The following LARGE1 variants were observed in gnomAD, a reference collection of about 807,000 sequenced individuals.
The protein encoded by LARGE1 is LARGE xylosyl- and glucuronyltransferase 1, also known as xylosyl- and glucuronyltransferase LARGE1.
Under a neutral mutation model 87.6 loss-of-function variants are expected in LARGE1, and 43 were observed. The observed-to-expected ratio is 0.49, with a 90% CI of 0.38 to 0.63. The LOEUF is 0.63. Ranked by LOEUF, LARGE1 falls within the 30% of genes least tolerant of loss-of-function variation. The probability of loss-of-function intolerance (pLI) is 0.00; values close to 1 mark genes in which losing one functional copy is unlikely to be tolerated. For missense variants in LARGE1, 802 were observed against 1,000.2 expected, an observed-to-expected ratio of 0.80 and a Z score of 2.67; for synonymous variants, 434 against 394.6, an observed-to-expected ratio of 1.10 and a Z score of -1.18.
At chr22:33,645,816 T>C (rs983420341) in intron 3 of LARGE1, among the ~76,000 whole-genome samples, 2 of 152,218 alleles carry the variant, frequency 1.3e-5, no homozygotes, top group African/African-American at 4.8e-5. Context: ...AAGACACTTA[T>C]ACGGCCAACA....
intron 6 of LARGE1, among the ~76,000 whole-genome samples, chr22:33,485,202 C>T (rs1481795459): frequency 6.8e-6 from 1 of 146,076 alleles, no homozygotes; most frequent in African/African-American, 2.6e-5. Flanking sequence ...CATGAGCCAC[C>T]GCGTCCGGTC....
chr22:33,797,155 G>A (rs2086012854), intron 1 of LARGE1, among the ~76,000 whole-genome samples: 1 of 152,104 alleles, frequency 6.6e-6, no homozygotes, highest in African/African-American at 2.4e-5. Flanking sequence ...GAGGGTGATG[G>A]ACCCGTGAAT....
the LARGE1 span, among the ~76,000 whole-genome samples, chr22:33,120,457 T>A: frequency 6.6e-6 from 1 of 150,700 alleles, no homozygotes; most frequent in African/African-American, 2.4e-5. Context: ...TCTCTCTCTC[T>A]CTCTTTCTTT....
At chr22:33,493,639 G>A (rs1411443384) in intron 6 of LARGE1, among the ~76,000 whole-genome samples, 1 of 152,144 alleles carries the variant, frequency 6.6e-6, no homozygotes, top group Non-Finnish European at 1.5e-5. Flanking sequence ...ACCCTATGAA[G>A]TAGGCAGTAT....
At chr22:33,632,162 G>A (rs984265150) in intron 3 of LARGE1, among the ~76,000 whole-genome samples, 15 of 152,082 alleles carry the variant, frequency 9.9e-5, no homozygotes, top group East Asian at 1.9e-4. Flanking sequence ...TCGATCTATC[G>A]CCCAGGCTGG....
At chr22:33,683,990 C>T (rs964801660) in intron 2 of LARGE1, among the ~76,000 whole-genome samples, 2 of 152,124 alleles carry the variant, frequency 1.3e-5, no homozygotes, top group South Asian at 2.1e-4. Context: ...AGACAGCCCT[C>T]GCTGGAAGAC....
intron 12 of LARGE1, among the ~76,000 whole-genome samples, chr22:33,293,881 T>A (rs756351069): frequency 3.9e-5 from 6 of 152,248 alleles, no homozygotes; most frequent in Non-Finnish European, 8.8e-5. Context: ...TCTGTGGATC[T>A]GGCCAAAGTC....
Position 33,382,152 on chromosome 22 carries a change from C to A in LARGE1, c.1006-108G>T. ...TGTGATAGGGCTTCTCTTGAACCTC[C>A]TGCTCTGAACACAGGCTGGCTCGCA... On this transcript the variant is annotated intron_variant, in intron 8 of 14. Coordinates refer to ENST00000397394, the MANE Select transcript of LARGE1 (RefSeq NM_133642.5). The A allele has an allele frequency of 4.2e-6, 6 of 1,417,122 alleles. No homozygotes were observed. The South Asian group carries it at 7.6e-5, about 18-fold the overall frequency. 87.8% of individuals were successfully genotyped at this position (1,417,122 alleles called of 1,614,324 possible).
At chr22:33,626,824 C>CA (rs1430493127) in intron 3 of LARGE1, among the ~76,000 whole-genome samples, 1 of 152,218 alleles carries the variant, frequency 6.6e-6, no homozygotes, top group African/African-American at 2.4e-5. Flanking sequence ...ATCTGGGATA[C>CA]AGTTCAAAGA....
intron 1 of LARGE1, among the ~76,000 whole-genome samples, chr22:33,800,744 G>C (rs2086135287): frequency 6.6e-6 from 1 of 152,158 alleles, no homozygotes; most frequent in South Asian, 2.1e-4. Flanking sequence ...TTTTCTCGCT[G>C]AGTAGTGTTC....
At chr22:33,163,244 G>A (rs739073) in exon 12 of LARGE1, 5 of 152,138 alleles carry the variant, frequency 3.3e-5, no homozygotes, top group African/African-American at 1.2e-4. Flanking sequence ...TAAGTAAATT[G>A]TTCAAGCTCT....
intron 11 of LARGE1, among the ~76,000 whole-genome samples, chr22:33,306,365 G>C (rs966134167): frequency 6.6e-6 from 1 of 152,166 alleles, no homozygotes; most frequent in African/African-American, 2.4e-5. Context: ...AGAGCAAAAC[G>C]CAAGAATAAT....
At chr22:33,692,742 C>T (rs1287579387) in intron 2 of LARGE1, among the ~76,000 whole-genome samples, 2 of 152,152 alleles carry the variant, frequency 1.3e-5, no homozygotes, top group East Asian at 3.8e-4. Flanking sequence ...CATCATTTTG[C>T]TAAAAGTACT....
chr22:33,626,158 T>A, intron 4 of LARGE1, 86 bp downstream of exon 4: 2 of 1,090,962 alleles, frequency 1.8e-6, no homozygotes, highest in South Asian at 2.5e-5. Context: ...GATGAGAAAT[T>A]TTGCTCCTAT....
intron 6 of LARGE1, among the ~76,000 whole-genome samples, chr22:33,503,912 GT>G (rs754584423): frequency 1.7e-4 from 26 of 152,284 alleles, no homozygotes; most frequent in Admixed American, 9.2e-4. Context: ...ACAAAATGTG[GT>G]TTAGCCATAC....
At chr22:33,634,907 T>A (rs1015222994) in intron 3 of LARGE1, among the ~76,000 whole-genome samples, 2 of 151,722 alleles carry the variant, frequency 1.3e-5, no homozygotes, top group African/African-American at 4.8e-5. Context: ...GGCGGGTGGA[T>A]CACAGGTCAG....
At chr22:33,771,190 T>G (rs35106939) in intron 1 of LARGE1, among the ~76,000 whole-genome samples, 2 of 149,622 alleles carry the variant, frequency 1.3e-5, no homozygotes, top group Non-Finnish European at 3.0e-5. Context: ...TTTTTTTTTG[T>G]ATTCTCTCTT....
At chr22:33,806,765 G>A (rs578185405) in intron 1 of LARGE1, among the ~76,000 whole-genome samples, 25 of 152,200 alleles carry the variant, frequency 1.6e-4, no homozygotes, top group African/African-American at 5.1e-4. Context: ...TAATCTCAGC[G>A]CTTTGGGAGG....
intron 2 of LARGE1, among the ~76,000 whole-genome samples, chr22:33,670,416 A>G (rs1005072867): frequency 2.6e-5 from 4 of 151,802 alleles, no homozygotes; most frequent in South Asian, 4.2e-4. Flanking sequence ...GAGCACCAAG[A>G]CGCTAGATTG....
Sources: allele counts gnomAD v4.1 joint callset (sites outside exome capture counted in the v4.1 genomes callset), GRCh38; gene constraint gnomAD v4.1.1; transcripts MANE v1.5; gene names NCBI Gene and HGNC (gene_info 2026-07-23, HGNC 2026-07-21).